The following TAB2 variants were observed in gnomAD, a reference collection of about 807,000 sequenced individuals.
TAB2 encodes TGF-beta-activated kinase 1 and MAP3K7-binding protein 2.
Under a neutral mutation model 65.0 loss-of-function variants are expected in TAB2, and 3 were observed. The ratio of observed to expected loss-of-function variants is 0.05; its 90% CI spans 0.02 to 0.12. The LOEUF (loss-of-function observed/expected upper bound fraction) is 0.12. Ranked by LOEUF, TAB2 falls within the 10% of genes least tolerant of loss-of-function variation. The pLI is 1.00. For synonymous variants in TAB2, 298 were observed against 285.1 expected (o/e 1.05, Z -0.46); for missense variants, 623 against 840.3 (o/e 0.74, Z 3.20).
intron 3 of TAB2, among the ~76,000 whole-genome samples, chr6:149,389,798 C>T (rs1001987016): frequency 6.6e-6 from 1 of 152,004 alleles, no homozygotes; most frequent in African/African-American, 2.4e-5. Context: ...TAGATTATAT[C>T]TTAATGCTGT....
exon 1 of TAB2, chr6:149,218,687 C>T (rs1049228976): frequency 2.9e-5 from 13 of 451,696 alleles, no homozygotes; most frequent in Middle Eastern, 6.5e-4. Context: ...GATCTAAACA[C>T]CATCTGATCC....
chr6:149,326,528 T>C (rs1026577305), intron 1 of TAB2, among the ~76,000 whole-genome samples: 6 of 148,774 alleles, frequency 4.0e-5, no homozygotes, highest in South Asian at 2.1e-4. Context: ...ATGTTGGTCT[T>C]TTCAGCCTTG....
intron 1 of TAB2, among the ~76,000 whole-genome samples, chr6:149,336,536 A>C (rs966326840): frequency 6.6e-6 from 1 of 152,198 alleles, no homozygotes; most frequent in Admixed American, 6.5e-5. Context: ...GAAGAGACAC[A>C]GAAGTAGACT....
rs539849894 is a variant in TAB2 at position 149,344,434 on chromosome 6, CT to C, written c.-89-25474del. On this transcript the variant is annotated intron_variant, in intron 1 of 6. Transcript: ENST00000637181. ...CAGCTTTGTGGAGAAGGTAATGTTT[CT>C]GCTGAACCATGAAGGATAAATAGAA... Among the ~76,000 whole-genome samples, 1,123 of 152,230 alleles carry C rather than the reference CT, an allele frequency of 7.4e-3. 11 individuals carry two copies. Among genetic ancestry groups the C allele is most frequent in the African/African-American group, 0.026 (1,084 of 41,528 alleles).
chr6:149,292,554 A>G (rs1038938805), intron 1 of TAB2, among the ~76,000 whole-genome samples: 1 of 152,252 alleles, frequency 6.6e-6, no homozygotes, highest in Non-Finnish European at 1.5e-5. Context: ...TTTTAAATGG[A>G]AGAAGAACCA....
chr6:149,295,890 G>C (rs913616528), intron 1 of TAB2, among the ~76,000 whole-genome samples: 1 of 152,076 alleles, frequency 6.6e-6, no homozygotes, highest in African/African-American at 2.4e-5. Context: ...TCCTGCTTCA[G>C]CCTCCCGAGC....
intron 1 of TAB2, among the ~76,000 whole-genome samples, chr6:149,335,160 A>G (rs900953649): frequency 6.6e-6 from 1 of 151,862 alleles, no homozygotes; most frequent in Non-Finnish European, 1.5e-5. Flanking sequence ...CCCATTTCCT[A>G]CCCACATTCT....
chr6:149,296,175 G>C (rs1469638265), intron 1 of TAB2, among the ~76,000 whole-genome samples: 1 of 152,218 alleles, frequency 6.6e-6, no homozygotes, highest in African/African-American at 2.4e-5. Context: ...ATCTGTGCTT[G>C]CTCCTGCCCG....
rs1261144574 is a variant in TAB2 at position 149,377,999 on chromosome 6, A to G, written c.103-19A>G. 4.4e-6 allele frequency: 7 copies of G among 1,605,818 alleles called. No individual in the cohort carries two copies. Among genetic ancestry groups the G allele is most frequent in the East Asian group, 2.2e-5 (1 of 44,838 alleles). On this transcript the variant is annotated intron_variant, in intron 2 of 6. Transcript: ENST00000637181. ...CGCTTCTGATTGTTAACATCAATCA[A>G]TTTATTTTGTTTTCATAGAATAATA...
chr6:149,336,462 T>C (rs905972880), intron 1 of TAB2, among the ~76,000 whole-genome samples: 7 of 152,164 alleles, frequency 4.6e-5, no homozygotes, highest in African/African-American at 1.4e-4. Context: ...GCCTATATTA[T>C]GTATATGCAG....
intron 1 of TAB2, among the ~76,000 whole-genome samples, chr6:149,227,233 T>C (rs1274010097): frequency 6.6e-6 from 1 of 152,208 alleles, no homozygotes; most frequent in Non-Finnish European, 1.5e-5. Context: ...AAATTAAGCC[T>C]TTTCCTATAA....
intron 1 of TAB2, among the ~76,000 whole-genome samples, chr6:149,355,960 A>G (rs1051918055): frequency 4.6e-5 from 7 of 152,242 alleles, no homozygotes; most frequent in African/African-American, 1.7e-4. Flanking sequence ...TGCCACAAAA[A>G]AAAAACTTAT....
intron 1 of TAB2, among the ~76,000 whole-genome samples, chr6:149,302,610 G>A (rs59593923): frequency 0.068 from 10,362 of 152,240 alleles, 490 homozygotes; most frequent in East Asian, 0.14. Flanking sequence ...TTCTGATGAT[G>A]GAGGAGTCCA....
chr6:149,400,249 A>G, intron 6 of TAB2: 1 of 863,296 alleles, frequency 1.2e-6, no homozygotes, highest in Non-Finnish European at 1.7e-6. Context: ...GCGGGAGGGG[A>G]GGGAGCCCAG....
intron 1 of TAB2, among the ~76,000 whole-genome samples, chr6:149,334,729 T>A (rs1779883748): frequency 6.6e-6 from 1 of 150,802 alleles, no homozygotes; most frequent in South Asian, 2.1e-4. Context: ...AAACAAGAGG[T>A]CATGGTGTTA....
chr6:149,379,673 A>C (rs1289208068), intron 3 of TAB2, among the ~76,000 whole-genome samples, 155 bp downstream of exon 3: 3 of 151,984 alleles, frequency 2.0e-5, no homozygotes, highest in Non-Finnish European at 2.9e-5. Flanking sequence ...TTATATGTAT[A>C]TACATTTTAA....
chr6:149,366,410 G>T (rs1216006155), intron 1 of TAB2, among the ~76,000 whole-genome samples: 4 of 152,090 alleles, frequency 2.6e-5, no homozygotes, highest in Non-Finnish European at 5.9e-5. Flanking sequence ...CCTCCTCTCT[G>T]TGGTTCTCTC....
intron 1 of TAB2, among the ~76,000 whole-genome samples, chr6:149,286,994 G>A (rs1041711580): frequency 1.4e-4 from 21 of 152,144 alleles, no homozygotes; most frequent in Admixed American, 1.1e-3. Context: ...GTAAGCATCT[G>A]TAATCTCAGC....
intron 1 of TAB2, among the ~76,000 whole-genome samples, chr6:149,268,379 G>A (rs1329599983): frequency 1.3e-5 from 2 of 152,168 alleles, no homozygotes; most frequent in East Asian, 3.8e-4. Flanking sequence ...ATTCTGAGTG[G>A]CCATGAGCCC....
Sources: gnomAD v4.1 joint callset for allele counts (sites outside exome capture counted in the v4.1 genomes callset) on GRCh38, gnomAD v4.1.1 for gene constraint, MANE v1.5 for transcripts, NCBI Gene and HGNC (gene_info 2026-07-23, HGNC 2026-07-21) for gene names.